The following NFYC variants were observed in gnomAD, a reference collection of about 807,000 sequenced individuals.
NFYC encodes the protein nuclear transcription factor Y subunit gamma.
In NFYC, 25 loss-of-function variants were observed where a neutral mutation model predicts 53.1. The observed-to-expected ratio is 0.47, with a 90% CI of 0.34 to 0.66. NFYC has a LOEUF of 0.66. Among genes scored for constraint, NFYC ranks in the 30% least tolerant of loss-of-function variants. NFYC has a pLI of 0.01. For synonymous variants in NFYC, 145 were observed against 152.6 expected (o/e 0.95, Z 0.37); for missense variants, 260 against 422.7 (o/e 0.62, Z 3.38).
intron 1 of NFYC, among the ~76,000 whole-genome samples, chr1:40,731,462 C>T (rs1325207363): frequency 4.0e-5 from 6 of 151,060 alleles, no homozygotes; most frequent in South Asian, 2.1e-4. Flanking sequence ...TGTGAGCCAC[C>T]GCACCTGGCC....
At chr1:40,728,661 G>A (rs571800260) in intron 1 of NFYC, among the ~76,000 whole-genome samples, 4 of 151,922 alleles carry the variant, frequency 2.6e-5, no homozygotes, top group South Asian at 2.1e-4. Flanking sequence ...TTTTTGAGAC[G>A]GAGTCTCGCT....
intron 1 of NFYC, among the ~76,000 whole-genome samples, chr1:40,727,129 A>G (rs1644551929): frequency 1.3e-5 from 2 of 152,156 alleles, no homozygotes; most frequent in African/African-American, 4.8e-5. Flanking sequence ...ATCCAGGAGG[A>G]TTGGAATCAA....
chr1:40,710,259 T>G (rs1451424599), intron 1 of NFYC, among the ~76,000 whole-genome samples: 1 of 152,232 alleles, frequency 6.6e-6, no homozygotes, highest in Non-Finnish European at 1.5e-5. Context: ...TGAGCAAATA[T>G]TTTTCCACAG....
rs1432891209 is a variant in NFYC at position 40,737,901 on chromosome 1, C to T, written c.-8-935C>T. On this transcript the variant is annotated intron_variant, in intron 1 of 9. Transcript: ENST00000447388. ...AGAAGAAACTTAGCGTGCTCTCTCT[C>T]TTTTTTTTTTTTTTTTTTTGAGACG... 6.2e-4 allele frequency among the ~76,000 whole-genome samples: 76 copies of T among 123,136 alleles called. 1 individual carries two copies. The East Asian group carries it at 0.01, about 17-fold the overall frequency. 80.8% of individuals were successfully genotyped at this position (123,136 alleles called of 152,430 possible). A position where few individuals can be genotyped will look rare whatever the true frequency, so the allele number is the denominator to read the frequency against.
At chr1:40,753,078 C>G in intron 4 of NFYC, 73 bp from the exon 5 acceptor site, 2 of 1,115,984 alleles carry the variant, frequency 1.8e-6, no homozygotes, top group South Asian at 1.3e-5. Context: ...TCTTACCTTA[C>G]TTGGAGGGTA....
intron 1 of NFYC, among the ~76,000 whole-genome samples, chr1:40,736,889 G>A: frequency 6.6e-6 from 1 of 150,402 alleles, no homozygotes; most frequent in East Asian, 1.9e-4. Flanking sequence ...CACTTTGGGA[G>A]GACGAGGCAG....
At chr1:40,721,590 C>T (rs1426023882) in intron 1 of NFYC, 1 of 152,002 alleles carries the variant, frequency 6.6e-6, no homozygotes, top group Non-Finnish European at 1.5e-5. Flanking sequence ...GATACAGGGT[C>T]TCACTCTGTT....
chr1:40,727,348 T>G (rs1034893459), intron 1 of NFYC, among the ~76,000 whole-genome samples: 1 of 150,728 alleles, frequency 6.6e-6, no homozygotes, highest in African/African-American at 2.4e-5. Flanking sequence ...CTCAGCCTCC[T>G]AAGTAGTTGG....
chr1:40,697,822 T>C (rs1643232004), intron 1 of NFYC, among the ~76,000 whole-genome samples: 1 of 152,212 alleles, frequency 6.6e-6, no homozygotes, highest in Non-Finnish European at 1.5e-5. Flanking sequence ...TGTTGCACCC[T>C]TCCCACACTT....
At chr1:40,722,994 CTCA>C (rs1557782228) in intron 1 of NFYC, among the ~76,000 whole-genome samples, 1 of 152,142 alleles carries the variant, frequency 6.6e-6, no homozygotes, top group Non-Finnish European at 1.5e-5. Context: ...TGCATTTTGA[CTCA>C]TCATTTATTG....
intron 1 of NFYC, among the ~76,000 whole-genome samples, chr1:40,737,363 C>T (rs1209555049): frequency 3.4e-5 from 5 of 147,100 alleles, no homozygotes; most frequent in African/African-American, 1.3e-4. Flanking sequence ...GAGTCTTGCT[C>T]TGTTGCCCAG....
intron 1 of NFYC, among the ~76,000 whole-genome samples, chr1:40,729,802 A>G (rs2148535945): frequency 6.6e-6 from 1 of 151,852 alleles, no homozygotes; most frequent in African/African-American, 2.4e-5. Flanking sequence ...CAGCTTCCCA[A>G]GTAGCTGGGA....
chr1:40,758,500 A>G (rs1295703709), intron 6 of NFYC: 13 of 576,706 alleles, frequency 2.3e-5, no homozygotes, highest in Middle Eastern at 4.6e-4. Context: ...TCAAAGGTCA[A>G]ATGAGGAAAG....
At chr1:40,695,192 T>C (rs377002998) in intron 1 of NFYC, among the ~76,000 whole-genome samples, 1 of 152,100 alleles carries the variant, frequency 6.6e-6, no homozygotes, top group African/African-American at 2.4e-5. Flanking sequence ...TGAGCTGAGA[T>C]TGTGTCACTG....
At chr1:40,717,983 A>G (rs1364186070) in intron 1 of NFYC, among the ~76,000 whole-genome samples, 2 of 152,230 alleles carry the variant, frequency 1.3e-5, no homozygotes, top group Admixed American at 1.3e-4. Context: ...TTTAGTTTCT[A>G]GGCTATATAT....
At chr1:40,703,747 T>G (rs531766780) in intron 1 of NFYC, among the ~76,000 whole-genome samples, 6 of 152,208 alleles carry the variant, frequency 3.9e-5, no homozygotes, top group Non-Finnish European at 8.8e-5. Flanking sequence ...AGAGGCATGT[T>G]AAAAAATAGT....
intron 1 of NFYC, among the ~76,000 whole-genome samples, chr1:40,707,561 C>G (rs1487624249): frequency 5.3e-5 from 8 of 150,456 alleles, no homozygotes; most frequent in Non-Finnish European, 1.0e-4. Flanking sequence ...CCCAGCACTT[C>G]GGGAGGCAGG....
intron 1 of NFYC, among the ~76,000 whole-genome samples, chr1:40,695,349 C>T (rs763563049): frequency 6.6e-6 from 1 of 152,118 alleles, no homozygotes; most frequent in Non-Finnish European, 1.5e-5. Context: ...GGATTCATAC[C>T]ACAGAATTGT....
intron 1 of NFYC, among the ~76,000 whole-genome samples, chr1:40,706,176 C>T (rs1494): frequency 0.79 from 119,315 of 151,980 alleles, 47,457 homozygotes; most frequent in African/African-American, 0.9. Flanking sequence ...TGTGGTGCAG[C>T]GGAAAGAGTA....
Sources: allele counts gnomAD v4.1 joint callset (sites outside exome capture counted in the v4.1 genomes callset), GRCh38; gene constraint gnomAD v4.1.1; transcripts MANE v1.5; gene names NCBI Gene and HGNC (gene_info 2026-07-23, HGNC 2026-07-21).